TENT5D: variants seen among roughly 807,000 people sequenced by gnomAD.
The protein encoded by TENT5D is cancer/testis antigen 112.
For missense variants in TENT5D, 191 were observed against 287.0 expected, an observed-to-expected ratio of 0.67 and a Z score of 2.42; for synonymous variants, 103 against 100.6, an observed-to-expected ratio of 1.02 and a Z score of -0.15.
Position 80,407,747 on chromosome X carries a change from G to A in TENT5D, c.-141-30863G>A, listed in dbSNP as rs1231633580. ...AATTGAACTCAGCTCTGCACCAAGT[G>A]GACCTAATAGACATCTACAGAACTC... On this transcript the variant is annotated intron_variant, in intron 3 of 4. Coordinates refer to the TENT5D transcript ENST00000538312. Among the ~76,000 whole-genome samples the A allele has an allele frequency of 3.7e-5, 4 of 107,750 alleles. 1 individual carries two copies. The highest frequency in any genetic ancestry group is 6.9e-5 in the African/African-American group (2 of 29,164). 93.6% of individuals were successfully genotyped at this position (107,750 alleles called of 115,157 possible).
intron 1 of TENT5D, among the ~76,000 whole-genome samples, chrX:80,430,815 A>G (rs1932074659): frequency 9.0e-6 from 1 of 111,220 alleles, no homozygotes; most frequent in African/African-American, 3.3e-5. Flanking sequence ...TTGTTACCCA[A>G]CTAGAAAAGA....
At chrX:80,440,133 C>G (rs1405060860) in intron 2 of TENT5D, among the ~76,000 whole-genome samples, 1 of 111,599 alleles carries the variant, frequency 9.0e-6, no homozygotes, top group Admixed American at 9.6e-5. Context: ...AATACTAGGC[C>G]TAAACTATTT....
At chrX:80,418,084 C>T (rs1200463713), upstream of TENT5D, among the ~76,000 whole-genome samples, 3 of 111,134 alleles carry the variant, frequency 2.7e-5, no homozygotes, top group African/African-American at 9.8e-5. Flanking sequence ...ATTATTTCCT[C>T]ATTTTTGCCC....
chrX:80,405,977 C>T (rs1463335206), intron 3 of TENT5D, among the ~76,000 whole-genome samples: 1 of 108,794 alleles, frequency 9.2e-6, no homozygotes, highest in Non-Finnish European at 1.9e-5. Flanking sequence ...GAGGCACCCC[C>T]CAGCAGGGGC....
Position 80,427,564 on chromosome X carries a change from C to A in TENT5D, c.-142+7001C>A, listed in dbSNP as rs867466888. 4.5e-5 allele frequency among the ~76,000 whole-genome samples: 5 copies of A among 111,142 alleles called. No individual in the cohort carries two copies. In the Admixed American group the frequency reaches 4.8e-4, roughly 11 times the overall value. ...AAAATATTTGATCCAAGGGCTTATC[C>A]TTTTTCAAGTTAATTAATTAGAGCT... On this transcript the variant is annotated intron_variant, in intron 1 of 2. Transcript: ENST00000308293.
At chrX:80,413,593 T>A (rs1273664628) in intron 3 of TENT5D, among the ~76,000 whole-genome samples, 2 of 111,856 alleles carry the variant, frequency 1.8e-5, no homozygotes, top group Non-Finnish European at 3.8e-5. Context: ...TCTCCCAAGA[T>A]CTGATGGGTT....
chrX:80,381,566 C>T (rs762864562), intron 3 of TENT5D, among the ~76,000 whole-genome samples: 23 of 111,972 alleles, frequency 2.1e-4, no homozygotes, highest in African/African-American at 6.2e-4. Context: ...CAGCTTGGTT[C>T]CATTCTCCCC....
chrX:80,434,509 T>A (rs1322658991), intron 1 of TENT5D, among the ~76,000 whole-genome samples: 1 of 111,916 alleles, frequency 8.9e-6, no homozygotes, highest in East Asian at 2.8e-4. Context: ...TTTTCAAGCT[T>A]CACAATTATC....
chrX:80,345,425 C>A (rs1040772272), intron 3 of TENT5D, among the ~76,000 whole-genome samples: 1 of 111,354 alleles, frequency 9.0e-6, no homozygotes, highest in African/African-American at 3.3e-5. Context: ...CTGGCAAATT[C>A]CTTTTGGAGT....
At chrX:80,434,157 A>AG (rs1932138467) in intron 1 of TENT5D, among the ~76,000 whole-genome samples, 1 of 107,702 alleles carries the variant, frequency 9.3e-6, no homozygotes, top group Admixed American at 1.0e-4. Context: ...AAACAAAAAA[A>AG]AAAGGGAAAT....
At chrX:80,437,906 A>G (rs1477204644) in intron 1 of TENT5D, among the ~76,000 whole-genome samples, 1 of 111,226 alleles carries the variant, frequency 9.0e-6, no homozygotes, top group Non-Finnish European at 1.9e-5. Context: ...ATATACAATC[A>G]TTTATTATAG....
At chrX:80,438,829 C>G (rs1932230725) in intron 2 of TENT5D, 97 bp downstream of exon 2, 1 of 110,676 alleles carries the variant, frequency 9.0e-6, no homozygotes, top group Non-Finnish European at 1.9e-5. Flanking sequence ...TTCCCATCGT[C>G]AAAGGGAACA....
chrX:80,421,439 G>A (rs1033153371), intron 1 of TENT5D, among the ~76,000 whole-genome samples: 24 of 111,583 alleles, frequency 2.2e-4, no homozygotes, highest in African/African-American at 5.2e-4. Context: ...TACCCGCCTC[G>A]GCCTCCCAAA....
rs780805790 is a variant in TENT5D, at chrX:80,442,203, C to T, written c.-18-319C>T. The stretch of plus-strand genomic sequence containing the variant: ...ATCCCATGAACAAAATTTATATCAC[C>T]AAAGAAATACCATCATTATAGTATT... On this transcript the variant is annotated intron_variant, in intron 2 of 2. Coordinates refer to ENST00000308293, the Ensembl canonical transcript of TENT5D. Among the ~76,000 whole-genome samples the T allele has an allele frequency of 2.7e-5, 3 of 110,506 alleles. No individual in the cohort carries two copies. In the South Asian group the frequency reaches 1.1e-3, roughly 42 times the overall value.
At chrX:80,399,377 CA>C (rs1218108205) in intron 3 of TENT5D, among the ~76,000 whole-genome samples, 12 of 112,056 alleles carry the variant, frequency 1.1e-4, no homozygotes, top group African/African-American at 3.6e-4. Context: ...GTCATTTTTG[CA>C]TTGTATATTC....
At chrX:80,349,176 A>T (rs1392604453) in intron 3 of TENT5D, among the ~76,000 whole-genome samples, 1 of 112,302 alleles carries the variant, frequency 8.9e-6, no homozygotes, top group Non-Finnish European at 1.9e-5. Flanking sequence ...GCCTCATAAA[A>T]TGAGTTAGCG....
chrX:80,406,183 C>A (rs1211328676), intron 3 of TENT5D, among the ~76,000 whole-genome samples: 2 of 111,973 alleles, frequency 1.8e-5, no homozygotes, highest in Non-Finnish European at 3.8e-5. Context: ...AACTCTAAAA[C>A]GCAGAGCACC....
intron 1 of TENT5D, among the ~76,000 whole-genome samples, chrX:80,429,827 A>C (rs1932052021): frequency 9.0e-6 from 1 of 111,224 alleles, no homozygotes; most frequent in African/African-American, 3.3e-5. Flanking sequence ...ATCTTTTAAG[A>C]TTATCTGTCC....
chrX:80,434,207 T>TA (rs369574399), intron 1 of TENT5D, among the ~76,000 whole-genome samples: 11,545 of 84,984 alleles, frequency 0.14, 938 homozygotes, highest in East Asian at 0.48. Context: ...GATCATAAAG[T>TA]AAAAAAAAAA....
Sources: gnomAD v4.1 joint callset for allele counts (sites outside exome capture counted in the v4.1 genomes callset) on GRCh38, gnomAD v4.1.1 for gene constraint, MANE v1.5 for transcripts, NCBI Gene and HGNC (gene_info 2026-07-23, HGNC 2026-07-21) for gene names.